Variants in TTK observed in about 807,000 individuals in gnomAD.
TTK encodes the protein TTK protein kinase, also known as dual specificity protein kinase TTK.
Under a neutral mutation model 117.3 loss-of-function variants are expected in TTK, and 59 were observed. The observed-to-expected ratio is 0.50, with a 90% CI of 0.41 to 0.62. The LOEUF (loss-of-function observed/expected upper bound fraction) is 0.62, where lower values mean the gene tolerates loss of function less well. TTK is among the 20% of genes least tolerant of loss of function. The pLI is 0.00. For missense variants in TTK, 921 were observed against 989.4 expected, an observed-to-expected ratio of 0.93 and a Z score of 0.93; for synonymous variants, 302 against 325.0, an observed-to-expected ratio of 0.93 and a Z score of 0.76.
chr6:80,010,924 C>G lies in TTK; in HGVS notation c.580C>G (p.Leu194Val). Reference sequence around the variant, plus strand: ...GAATTTAAACCTCCAAAAAAAGCAGCTGCTTTCAGAGGAGGAAAAGAAGAA... The same window carrying G: ...GAATTTAAACCTCCAAAAAAAGCAGGTGCTTTCAGAGGAGGAAAAGAAGAA... Reference protein sequence around the residue: ...LRNLNLQKKQLLSEEEKKNLS... With the variant: ...LRNLNLQKKQVLSEEEKKNLS... The change falls in exon 5 of 22, where the codon CTG becomes GTG. Residue 194 changes from leucine (L) to valine (V), a missense_variant. Transcript: ENST00000369798. 1 of 1,612,110 alleles carries G rather than the reference C, an allele frequency of 6.2e-7. No homozygotes were observed. Among genetic ancestry groups the G allele is most frequent in the Non-Finnish European group, 8.5e-7 (1 of 1,178,584 alleles).
At chr6:80,023,216 T>G (rs1377420679) in intron 11 of TTK, among the ~76,000 whole-genome samples, 1 of 152,232 alleles carries the variant, frequency 6.6e-6, no homozygotes, top group African/African-American at 2.4e-5. Flanking sequence ...TAAAGAGCTT[T>G]TGTTTATGTT....
At chr6:80,032,041 T>C (rs1206933163) in intron 14 of TTK, among the ~76,000 whole-genome samples, 1 of 152,204 alleles carries the variant, frequency 6.6e-6, no homozygotes, top group African/African-American at 2.4e-5. Flanking sequence ...GAGTTCTAAA[T>C]TTATATCGTT....
At chr6:80,030,309 A>G (rs1054446262) in intron 13 of TTK, among the ~76,000 whole-genome samples, 3 of 152,174 alleles carry the variant, frequency 2.0e-5, no homozygotes, top group African/African-American at 7.2e-5. Context: ...AGATCCTCCA[A>G]TATAAGGGAA....
chr6:80,011,313 T>C (rs895261012), intron 5 of TTK, 121 bp from the exon 6 acceptor site: 13 of 625,828 alleles, frequency 2.1e-5, no homozygotes, highest in Non-Finnish European at 2.9e-5. Flanking sequence ...TGTCTGCATA[T>C]CTTACTTGGG....
intron 9 of TTK, 102 bp from the exon 10 acceptor site, chr6:80,014,361 T>G: frequency 4.8e-6 from 5 of 1,031,356 alleles, no homozygotes; most frequent in Non-Finnish European, 6.5e-6. Flanking sequence ...GAAAATTTTA[T>G]GAGCAATCCA....
intron 13 of TTK, among the ~76,000 whole-genome samples, chr6:80,029,355 A>G (rs543039130): frequency 2.6e-5 from 4 of 152,244 alleles, no homozygotes; most frequent in Non-Finnish European, 5.9e-5. Flanking sequence ...TGAAAGAATA[A>G]TGGACAAAAT....
intron 2 of TTK, among the ~76,000 whole-genome samples, chr6:80,006,529 A>G (rs950831999): frequency 1.3e-5 from 2 of 152,182 alleles, no homozygotes; most frequent in African/African-American, 4.8e-5. Flanking sequence ...GCAATTGAGT[A>G]TTTTAAGTAC....
rs761034842 is a variant in TTK, at chr6:80,022,398, T to C, written c.1183T>C (p.Cys395Arg). 3.1e-6 allele frequency: 5 copies of C among 1,613,702 alleles called. No individual in the cohort carries two copies. The highest frequency in any genetic ancestry group is 4.2e-6 in the Non-Finnish European group (5 of 1,179,906). The change falls in exon 11 of 22, where the codon TGT (cysteine) becomes CGT (arginine). Residue 395 changes from cysteine to arginine, a missense_variant. By Grantham distance (180) the Cys-to-Arg change is radical (BLOSUM62 -3). Transcript: ENST00000369798. ...GTGGCAATCTAAGAGAAAGTCAGAG[T>C]GTATTAACCAGAATCCTGCTGCATC... The part of the protein sequence containing the change: ...KQWQSKRKSE[C>R]INQNPAASSN...
chr6:80,005,889 A>G lies in TTK; in HGVS notation c.46A>G (p.Ile16Val), dbSNP rs1218531522. The change falls in exon 2 of 22, where the codon ATA becomes GTA. Residue 16 changes from isoleucine (I) to valine (V), a missense_variant. By Grantham distance (29) the Ile-to-Val change is conservative. Transcript: ENST00000369798. ...LSGRELTIDS[I>V]MNKVRDIKNK... ...TGGCAGAGAATTGACAATTGATTCCATAATGAACAAAGTGAGAGACATTAA... is the reference window on the plus strand; with the variant it reads ...TGGCAGAGAATTGACAATTGATTCCGTAATGAACAAAGTGAGAGACATTAA... The G allele has an allele frequency of 1.9e-6, 3 of 1,612,774 alleles. No individual in the cohort carries two copies. Among genetic ancestry groups the G allele is most frequent in the Non-Finnish European group, 2.5e-6 (3 of 1,179,654 alleles).
intron 3 of TTK, 71 bp downstream of exon 3, chr6:80,008,102 TAAA>T (rs576745721): frequency 1.3e-6 from 2 of 1,488,996 alleles, no homozygotes; most frequent in African/African-American, 2.8e-5. Flanking sequence ...AGAGAGAAAA[TAAA>T]AAACATGGCA....
Position 80,014,558 on chromosome 6 carries a change from G to T in TTK, c.1080G>T (p.Thr360=). 1 of 1,599,718 alleles carries T rather than the reference G, an allele frequency of 6.3e-7. No homozygotes were observed. The highest frequency in any genetic ancestry group is 8.5e-7 in the Non-Finnish European group (1 of 1,173,474). ...ITDSITLKNK[T]ESSLLAKLEE... ...ATTCAATAACCCTGAAGAATAAAACGGAATCAAGTCTTCTAGCTAAATTAG... is the reference window on the plus strand; with the variant it reads ...ATTCAATAACCCTGAAGAATAAAACTGAATCAAGTCTTCTAGCTAAATTAG... The change falls in exon 10 of 22, where the codon ACG becomes ACT. Residue 360 remains threonine, a synonymous_variant. Coordinates refer to ENST00000369798, the MANE Select transcript of TTK (RefSeq NM_003318.5).
At position 80,036,409 on chromosome 6, in the gene TTK, T is replaced by G. The variant is rs1220339862; in HGVS notation, c.1925-66T>G. Reference sequence around the variant, plus strand: ...AATAAATACAGCTTGACCTGTAGACTGTGAATTTTTTGGTCCTTAGAATGT... The same window carrying G: ...AATAAATACAGCTTGACCTGTAGACGGTGAATTTTTTGGTCCTTAGAATGT... On this transcript the variant is annotated intron_variant, in intron 16 of 21. Transcript: ENST00000369798. The G allele has an allele frequency of 1.4e-5, 21 of 1,529,928 alleles. No individual in the cohort carries two copies. In the Admixed American group the frequency reaches 3.1e-4, roughly 22 times the overall value. 94.8% of individuals were successfully genotyped at this position (1,529,928 alleles called of 1,614,324 possible). A position where few individuals can be genotyped will look rare whatever the true frequency, so the allele number is the denominator to read the frequency against.
chr6:80,022,492 A>G lies in TTK; in HGVS notation c.1257+20A>G, dbSNP rs1187201386. On this transcript the variant is annotated intron_variant, in intron 11 of 21. Transcript: ENST00000369798. The stretch of plus-strand genomic sequence containing the variant: ...ACAGAGGTAACTTTTCCACTAAAGT[A>G]CAATATTGCTTTTTTGTTCATAATG... The G allele has an allele frequency of 6.2e-7, 1 of 1,606,952 alleles. No homozygotes were observed. The highest frequency in any genetic ancestry group is 8.5e-7 in the Non-Finnish European group (1 of 1,177,806).
intron 13 of TTK, among the ~76,000 whole-genome samples, chr6:80,028,339 A>G (rs1392588045): frequency 1.3e-5 from 2 of 150,046 alleles, no homozygotes; most frequent in Admixed American, 6.6e-5. Flanking sequence ...ATTTTTTGAG[A>G]CAGAGTCTCG....
At chr6:80,024,661 C>T (rs1767557924) in intron 11 of TTK, among the ~76,000 whole-genome samples, 1 of 152,048 alleles carries the variant, frequency 6.6e-6, no homozygotes, top group South Asian at 2.1e-4. Flanking sequence ...CGAAAATATT[C>T]TAAAATTGGA....
chr6:80,010,799 C>A lies in TTK; in HGVS notation c.470-15C>A, dbSNP rs201398219. 1.9e-5 allele frequency: 30 copies of A among 1,600,076 alleles called. No individual in the cohort carries two copies. In the East Asian group the frequency reaches 6.0e-4, roughly 32 times the overall value. ...TTTACTGCCTAAAAATGACAATTATCTTTTGCTTTGTTAGGTAATGTCAAA... is the reference window on the plus strand; with the variant it reads ...TTTACTGCCTAAAAATGACAATTATATTTTGCTTTGTTAGGTAATGTCAAA... On this transcript the variant is annotated splice_polypyrimidine_tract_variant and intron_variant, in intron 4 of 21. Transcript: ENST00000369798.
chr6:80,011,859 T>G (rs1399186580), intron 7 of TTK, 27 bp from the exon 8 acceptor site: 1 of 1,611,854 alleles, frequency 6.2e-7, no homozygotes, highest in Non-Finnish European at 8.5e-7. Flanking sequence ...TCCTAGTTGG[T>G]TATTTAATCT....
chr6:80,033,763 C>CATGTGT (rs75666352), intron 14 of TTK, among the ~76,000 whole-genome samples: 44,250 of 151,776 alleles, frequency 0.29, 7,857 homozygotes, highest in East Asian at 0.63. Context: ...TGTGCATTAC[C>CATGTGT]ATGTGTATCA....
chr6:80,029,745 A>G (rs1266729942), intron 13 of TTK, among the ~76,000 whole-genome samples: 3 of 152,198 alleles, frequency 2.0e-5, no homozygotes, highest in African/African-American at 7.2e-5. Context: ...AAATGATCCA[A>G]TTTGCATTTT....
Sources: allele counts gnomAD v4.1 joint callset (sites outside exome capture counted in the v4.1 genomes callset), GRCh38; gene constraint gnomAD v4.1.1; transcripts MANE v1.5; gene names NCBI Gene and HGNC (gene_info 2026-07-23, HGNC 2026-07-21).